Variants in KCNS2 observed in about 807,000 individuals in gnomAD.
The protein encoded by KCNS2 is delayed-rectifier potassium channel regulatory subunit KCNS2.
A neutral mutation model predicts 28.3 loss-of-function variants in KCNS2; 15 were observed. The observed-to-expected ratio is 0.53, with a 90% CI of 0.35 to 0.82. KCNS2 has a LOEUF of 0.82. Ranked by LOEUF, KCNS2 falls within the 40% of genes least tolerant of loss-of-function variation. The pLI is 0.01. For missense variants in KCNS2, 501 were observed against 617.1 expected, an observed-to-expected ratio of 0.81 and a Z score of 1.99; for synonymous variants, 254 against 256.7, an observed-to-expected ratio of 0.99 and a Z score of 0.10.
chr8:98,428,959 A>G lies in KCNS2; in HGVS notation c.980A>G (p.Lys327Arg). Residue 327 changes from lysine (K) to arginine (R), a missense_variant, in exon 2 of 2, where the codon AAA becomes AGA. By Grantham distance (26) the Lys-to-Arg change is conservative. Transcript: ENST00000287042. This position sits in a 1 kb window ranked among gnomAD's most constrained non-coding sequence, Gnocchi z 6.7. ...SLGATLKYSY[K>R]EVGLLLLYLS... is the part of the protein sequence containing the mutation. Reference sequence around the variant, plus strand: ...GGGGCCACTTTGAAATACAGCTACAAAGAAGTAGGGCTGCTCTTGCTCTAC... The same window carrying G: ...GGGGCCACTTTGAAATACAGCTACAGAGAAGTAGGGCTGCTCTTGCTCTAC... 1.2e-5 allele frequency: 19 copies of G among 1,613,936 alleles called. No individual in the cohort carries two copies. Among genetic ancestry groups the G allele is most frequent in the Non-Finnish European group, 1.4e-5 (17 of 1,179,936 alleles).
rs1266034784 is a variant in KCNS2 at position 98,429,297 on chromosome 8, C to T, written c.1318C>T (p.Pro440Ser). The change falls in exon 2 of 2, where the codon CCT becomes TCT. Residue 440 changes from proline to serine, a missense_variant. Transcript: ENST00000287042. ...CDFGDGMKEV[P>S]SVNLRDYYAH... is the part of the protein sequence containing the mutation. Reference sequence around the variant, plus strand: ...CTTTGGAGATGGAATGAAGGAGGTCCCTTCGGTCAATTTAAGGGACTATTA... The same window carrying T: ...CTTTGGAGATGGAATGAAGGAGGTCTCTTCGGTCAATTTAAGGGACTATTA... The T allele has an allele frequency of 3.7e-6, 6 of 1,614,118 alleles. No homozygotes were observed. In the African/African-American group the frequency reaches 5.3e-5, roughly 14 times the overall value.
In KCNS2 at chr8:98,430,765, A is replaced by C. The variant is rs542016583; in HGVS notation, c.*1352A>C. 32 of 167,224 alleles carry C rather than the reference A, an allele frequency of 1.9e-4. No homozygotes were observed. The highest frequency in any genetic ancestry group is 7.7e-4 in the African/African-American group (32 of 41,576). 10.4% of individuals were successfully genotyped at this position (167,224 alleles called of 1,614,324 possible). A position where few individuals can be genotyped will look rare whatever the true frequency, so the allele number is the denominator to read the frequency against. The stretch of plus-strand genomic sequence containing the variant: ...GGGTAGAGGCCAGGAGAAAGGAAAG[A>C]GTTGTAAAATAAAAAACTGCTAGTT... On this transcript the variant is annotated 3_prime_UTR_variant, in exon 2 of 2. Transcript: ENST00000287042.
At position 98,432,305 on chromosome 8, in the gene KCNS2, G is replaced by A. The variant is rs1309758067; in HGVS notation, c.*2892G>A. ...GACTTGTTTCCAGCTGTGAGCTTGAGAGAAGTGTCACTCCCAGCATTTGAA... is the reference window on the plus strand; with the variant it reads ...GACTTGTTTCCAGCTGTGAGCTTGAAAGAAGTGTCACTCCCAGCATTTGAA... On this transcript the variant is annotated 3_prime_UTR_variant, in exon 2 of 2. Transcript: ENST00000287042. 6.0e-6 allele frequency: 1 copy of A among 167,094 alleles called. No homozygotes were observed. Among genetic ancestry groups the A allele is most frequent in the East Asian group, 1.9e-4 (1 of 5,208 alleles). The allele number at this position is 167,094 out of a possible 1,614,324, so 10.4% of individuals were successfully genotyped here.
Position 98,428,696 on chromosome 8 carries a change from A to G in KCNS2, c.717A>G (p.Thr239=), listed in dbSNP as rs1391617453. Reference sequence around the variant, plus strand: ...AGCACTTTGGCATTGCCTGGTTCACATTTGAGCTGGTGGCCAGGTTTGCTG... The same window carrying G: ...AGCACTTTGGCATTGCCTGGTTCACGTTTGAGCTGGTGGCCAGGTTTGCTG... ...IVEHFGIAWF[T]FELVARFAVA... Residue 239 remains threonine, a synonymous_variant, in exon 2 of 2, where the codon ACA becomes ACG. Coordinates refer to ENST00000287042, the MANE Select transcript of KCNS2 (RefSeq NM_020697.4). This position sits in a 1 kb window ranked among gnomAD's most constrained non-coding sequence, Gnocchi z 6.7. 5 of 1,614,084 alleles carry G rather than the reference A, an allele frequency of 3.1e-6. No homozygotes were observed. Among genetic ancestry groups the G allele is most frequent in the Non-Finnish European group, 4.2e-6 (5 of 1,180,056 alleles).
At position 98,429,606 on chromosome 8, in the gene KCNS2, GC is replaced by G; in HGVS notation, c.*195del. On this transcript the variant is annotated 3_prime_UTR_variant, in exon 2 of 2. Transcript: ENST00000287042. ...TAGAGGGTGGTGTGTCTGACACCATGCCTTTGCACCTTTCCATGAAATGACA... is the reference window on the plus strand; with the variant it reads ...TAGAGGGTGGTGTGTCTGACACCATGCTTTGCACCTTTCCATGAAATGACA... The G allele has an allele frequency of 1.8e-6, 1 of 553,838 alleles. No individual in the cohort carries two copies. 34.3% of individuals were successfully genotyped at this position (553,838 alleles called of 1,614,324 possible).
rs1429012982 is a variant in KCNS2 at position 98,429,407 on chromosome 8, A to G, written c.1428A>G (p.Leu476=). ...GTGAACTCAGTTTAAATGATTCCCTACGTTAGCCGGGAGGACTTGTCACCC... is the reference window on the plus strand; with the variant it reads ...GTGAACTCAGTTTAAATGATTCCCTGCGTTAGCCGGGAGGACTTGTCACCC... ...SPSELSLNDS[L]R The change falls in exon 2 of 2, where the codon CTA becomes CTG. Residue 476 remains leucine, a synonymous_variant. Transcript: ENST00000287042. The G allele has an allele frequency of 2.5e-6, 4 of 1,603,832 alleles. No homozygotes were observed. Among genetic ancestry groups the G allele is most frequent in the Admixed American group, 1.7e-5 (1 of 59,646 alleles).
Position 98,429,333 on chromosome 8 carries a change from G to T in KCNS2, c.1354G>T (p.Val452Phe). ...TTTAAGGGACTATTATGCCCATAAA[G>T]TTAAATCCCTTATGGCAAGCCTGAC... Reference protein sequence around the residue: ...VNLRDYYAHKVKSLMASLTNM... With the variant: ...VNLRDYYAHKFKSLMASLTNM... Residue 452 changes from valine to phenylalanine, a missense_variant, in exon 2 of 2, where the codon GTT becomes TTT. Val to Phe is a conservative substitution (Grantham distance 50). Transcript: ENST00000287042. 2 of 1,614,214 alleles carry T rather than the reference G, an allele frequency of 1.2e-6. No homozygotes were observed. Among genetic ancestry groups the T allele is most frequent in the Non-Finnish European group, 1.7e-6 (2 of 1,180,036 alleles).
Position 98,428,089 on chromosome 8 carries a change from G to T in KCNS2, c.110G>T (p.Arg37Leu). 6.2e-7 allele frequency: 1 copy of T among 1,613,806 alleles called. No individual in the cohort carries two copies. The highest frequency in any genetic ancestry group is 1.7e-5 in the Admixed American group (1 of 60,016). ...KRRLRSHTLL[R>L]FPETRLGRLL... Reference sequence around the variant, plus strand: ...AGGCTGCGCTCGCACACGCTGCTGCGCTTCCCCGAGACGCGCCTGGGCCGC... The same window carrying T: ...AGGCTGCGCTCGCACACGCTGCTGCTCTTCCCCGAGACGCGCCTGGGCCGC... The change falls in exon 2 of 2, where the codon CGC (arginine) becomes CTC (leucine). Residue 37 changes from arginine to leucine, a missense_variant. Arg to Leu is a moderately radical substitution (Grantham distance 102, BLOSUM62 -2). Transcript: ENST00000287042. This position sits in a 1 kb window ranked among gnomAD's most constrained non-coding sequence, Gnocchi z 6.7.
Position 98,429,619 on chromosome 8 carries a change from T to G in KCNS2, c.*206T>G, listed in dbSNP as rs150829103. On this transcript the variant is annotated 3_prime_UTR_variant, in exon 2 of 2. Transcript: ENST00000287042. The stretch of plus-strand genomic sequence containing the variant: ...GTCTGACACCATGCCTTTGCACCTT[T>G]CCATGAAATGACACTCACTGGTCTT... The G allele has an allele frequency of 4.0e-4, 214 of 537,876 alleles. 2 individuals are homozygous for G. Among genetic ancestry groups the G allele is most frequent in the African/African-American group, 3.6e-3 (190 of 53,072 alleles). 33.3% of individuals were successfully genotyped at this position (537,876 alleles called of 1,614,324 possible). A position where few individuals can be genotyped will look rare whatever the true frequency, so the allele number is the denominator to read the frequency against.
In KCNS2 at chr8:98,429,864, G is replaced by C. The variant is rs1818304544; in HGVS notation, c.*451G>C. ...TATGAGGTCAGCAAGGATATGATGA[G>C]ATTTTGCTCACAGTCATGTGAAAAC... is the stretch of plus-strand genomic sequence containing the variant. On this transcript the variant is annotated 3_prime_UTR_variant, in exon 2 of 2. Coordinates refer to ENST00000287042, the MANE Select transcript of KCNS2 (RefSeq NM_020697.4). 1 of 170,500 alleles carries C rather than the reference G, an allele frequency of 5.9e-6. No homozygotes were observed. Among genetic ancestry groups the C allele is most frequent in the Non-Finnish European group, 1.4e-5 (1 of 70,652 alleles). The allele number at this position is 170,500 out of a possible 1,614,324, so 10.6% of individuals were successfully genotyped here. A position where few individuals can be genotyped will look rare whatever the true frequency, so the allele number is the denominator to read the frequency against.
intron 1 of KCNS2, 41 bp from the exon 2 acceptor site, chr8:98,427,897 G>A: frequency 3.2e-6 from 4 of 1,239,394 alleles, no homozygotes; most frequent in Non-Finnish European, 4.4e-6. Context: ...CCCCGCCAGG[G>A]CGCACGGCGC....
Position 98,429,654 on chromosome 8 carries a change from G to T in KCNS2, c.*241G>T. 1 of 492,122 alleles carries T rather than the reference G, an allele frequency of 2.0e-6. No individual in the cohort carries two copies. Among genetic ancestry groups the T allele is most frequent in the Non-Finnish European group, 3.7e-6 (1 of 272,312 alleles). The allele number at this position is 492,122 out of a possible 1,614,324, so 30.5% of individuals were successfully genotyped here. A position where few individuals can be genotyped will look rare whatever the true frequency, so the allele number is the denominator to read the frequency against. On this transcript the variant is annotated 3_prime_UTR_variant, in exon 2 of 2. Coordinates refer to ENST00000287042, the MANE Select transcript of KCNS2 (RefSeq NM_020697.4). ...GACACTCACTGGTCTTTGCATCGTGGGCATAAAATGTTCACCTTTTTGCCA... is the reference window on the plus strand; with the variant it reads ...GACACTCACTGGTCTTTGCATCGTGTGCATAAAATGTTCACCTTTTTGCCA...
rs974383463 is a variant in KCNS2 at position 98,430,500 on chromosome 8, T to C, written c.*1087T>C. On this transcript the variant is annotated 3_prime_UTR_variant, in exon 2 of 2. Coordinates refer to ENST00000287042, the MANE Select transcript of KCNS2 (RefSeq NM_020697.4). ...TACTTTTGTTGCCTACTCTGAAAGC[T>C]CATCAAATGAGAGCCCTTTTATTTC... 1.8e-5 allele frequency: 3 copies of C among 167,218 alleles called. No individual in the cohort carries two copies. The South Asian group carries it at 6.2e-4, about 35-fold the overall frequency. 10.4% of individuals were successfully genotyped at this position (167,218 alleles called of 1,614,324 possible). A position where few individuals can be genotyped will look rare whatever the true frequency, so the allele number is the denominator to read the frequency against.
rs1021179444 is a variant in KCNS2, at chr8:98,430,919, G to A, written c.*1506G>A. 1 of 167,064 alleles carries A rather than the reference G, an allele frequency of 6.0e-6. No individual in the cohort carries two copies. The highest frequency in any genetic ancestry group is 1.5e-5 in the Non-Finnish European group (1 of 68,128). 10.3% of individuals were successfully genotyped at this position (167,064 alleles called of 1,614,324 possible). ...CAAAATGCTCCTGCTCCTCTTGTTCGGTTAACCAGCACATAACATTGTGAT... is the reference window on the plus strand; with the variant it reads ...CAAAATGCTCCTGCTCCTCTTGTTCAGTTAACCAGCACATAACATTGTGAT... On this transcript the variant is annotated 3_prime_UTR_variant, in exon 2 of 2. Coordinates refer to ENST00000287042, the MANE Select transcript of KCNS2 (RefSeq NM_020697.4).
In KCNS2 at chr8:98,431,061, G is replaced by A. The variant is rs1818318342; in HGVS notation, c.*1648G>A. On this transcript the variant is annotated 3_prime_UTR_variant, in exon 2 of 2. Coordinates refer to ENST00000287042, the MANE Select transcript of KCNS2 (RefSeq NM_020697.4). ...CTTTGAAAAGGCAATAGAACCCAGG[G>A]GTCTGAGCATGGAGCTATCCAGGGT... 1 of 167,014 alleles carries A rather than the reference G, an allele frequency of 6.0e-6. No individual in the cohort carries two copies. Among genetic ancestry groups the A allele is most frequent in the South Asian group, 2.1e-4 (1 of 4,810 alleles). The allele number at this position is 167,014 out of a possible 1,614,324, so 10.3% of individuals were successfully genotyped here. A position where few individuals can be genotyped will look rare whatever the true frequency, so the allele number is the denominator to read the frequency against.
At chr8:98,427,494 C>T (rs1168328463) in intron 1 of KCNS2, 165 bp downstream of exon 1, 2 of 152,074 alleles carry the variant, frequency 1.3e-5, no homozygotes, top group Admixed American at 6.5e-5. Flanking sequence ...GGCCGCCCCC[C>T]TCATTCCCGC....
At position 98,429,748 on chromosome 8, in the gene KCNS2, A is replaced by G. The variant is rs539660259; in HGVS notation, c.*335A>G. 13 of 260,224 alleles carry G rather than the reference A, an allele frequency of 5.0e-5. No individual in the cohort carries two copies. The East Asian group carries it at 1.0e-3, about 20-fold the overall frequency. 16.1% of individuals were successfully genotyped at this position (260,224 alleles called of 1,614,324 possible). On this transcript the variant is annotated 3_prime_UTR_variant, in exon 2 of 2. Coordinates refer to ENST00000287042, the MANE Select transcript of KCNS2 (RefSeq NM_020697.4). ...GCTATTCTAGTGCTTGTGGCCCAGT[A>G]CTGTCTATGAGTTGTCGTGCTCCTG... is the stretch of plus-strand genomic sequence containing the variant.
chr8:98,431,161 T>C lies in KCNS2; in HGVS notation c.*1748T>C, dbSNP rs778135373. 1.2e-5 allele frequency: 2 copies of C among 167,110 alleles called. No individual in the cohort carries two copies. The highest frequency in any genetic ancestry group is 2.9e-5 in the Non-Finnish European group (2 of 68,132). The allele number at this position is 167,110 out of a possible 1,614,324, so 10.4% of individuals were successfully genotyped here. ...TTGATTGAAGATGATACTTACCTCA[T>C]TGGAGGTGTGGCAAGGATCTTATCA... On this transcript the variant is annotated 3_prime_UTR_variant, in exon 2 of 2. Transcript: ENST00000287042.
In KCNS2 at chr8:98,428,115, T is replaced by C. The variant is rs150305860; in HGVS notation, c.136T>C (p.Leu46=). The C allele has an allele frequency of 3.7e-6, 6 of 1,613,902 alleles. No homozygotes were observed. The African/African-American group carries it at 8.0e-5, about 22-fold the overall frequency. The stretch of plus-strand genomic sequence containing the variant: ...CTTCCCCGAGACGCGCCTGGGCCGC[T>C]TGCTGCTCTGCCACTCGCGCGAGGC... ...LRFPETRLGR[L]LLCHSREAIL... The change falls in exon 2 of 2, where the codon TTG becomes CTG. Residue 46 remains leucine (L), a synonymous_variant. Coordinates refer to ENST00000287042, the MANE Select transcript of KCNS2 (RefSeq NM_020697.4). The surrounding 1 kb of genome is among the most constrained non-coding windows in gnomAD (Gnocchi z 6.7).
Sources: gnomAD v4.1 joint callset for allele counts on GRCh38, gnomAD v4.1.1 for gene constraint, Gnocchi (gnomAD v3.1) non-coding constraint, MANE v1.5 for transcripts, NCBI Gene and HGNC (gene_info 2026-07-23, HGNC 2026-07-21) for gene names.